ANOS1: variants seen among roughly 807,000 people sequenced by gnomAD.
ANOS1 encodes the protein anosmin-1.
ANOS1 carries 6 observed loss-of-function variants against 59.0 expected under a neutral mutation model. The ratio of observed to expected loss-of-function variants is 0.10; its 90% CI spans 0.06 to 0.20. The LOEUF is 0.20. Among genes scored for constraint, ANOS1 ranks in the 10% least tolerant of loss-of-function variants. The pLI is 1.00. For synonymous variants in ANOS1, 217 were observed against 223.4 expected (o/e 0.97, Z 0.25); for missense variants, 433 against 542.3 (o/e 0.80, Z 2.00).
intron 6 of ANOS1, among the ~76,000 whole-genome samples, chrX:8,583,302 T>C (rs994935430): frequency 2.7e-5 from 3 of 111,584 alleles, no homozygotes; most frequent in Non-Finnish European, 5.6e-5. Context: ...AAGGATCTTA[T>C]CGGGGTGATG....
chrX:8,661,433 G>A (rs1932037241), intron 2 of ANOS1, among the ~76,000 whole-genome samples: 2 of 111,078 alleles, frequency 1.8e-5, no homozygotes, highest in African/African-American at 3.3e-5. Flanking sequence ...AAGGACAACC[G>A]GTCCTATAGG....
At chrX:8,714,603 T>C (rs970587964) in intron 1 of ANOS1, among the ~76,000 whole-genome samples, 1 of 111,760 alleles carries the variant, frequency 8.9e-6, no homozygotes. Flanking sequence ...GGAATATGCC[T>C]GGTAAGTCCT....
chrX:8,615,269 G>C (rs1381542965), intron 3 of ANOS1, among the ~76,000 whole-genome samples: 17 of 111,844 alleles, frequency 1.5e-4, no homozygotes, highest in Non-Finnish European at 5.6e-5. Flanking sequence ...ATGTGGCTGA[G>C]TGCGGTGGCT....
intron 1 of ANOS1, among the ~76,000 whole-genome samples, chrX:8,712,337 C>T (rs1237165691): frequency 8.9e-6 from 1 of 112,106 alleles, no homozygotes; most frequent in African/African-American, 3.2e-5. Flanking sequence ...TGACTCATCT[C>T]AATTAATCAC....
At chrX:8,576,300 T>C (rs903499970) in intron 6 of ANOS1, among the ~76,000 whole-genome samples, 1 of 111,129 alleles carries the variant, frequency 9.0e-6, no homozygotes, top group East Asian at 2.8e-4. Flanking sequence ...AGTTTCTATA[T>C]CTAAGTCATT....
chrX:8,643,514 T>G (rs1177016469), intron 2 of ANOS1, among the ~76,000 whole-genome samples: 1 of 111,722 alleles, frequency 9.0e-6, no homozygotes, highest in Non-Finnish European at 1.9e-5. Flanking sequence ...ATATCATGAC[T>G]TATTTTGCAA....
At chrX:8,584,124 C>T (rs1930469771) in intron 6 of ANOS1, among the ~76,000 whole-genome samples, 2 of 112,209 alleles carry the variant, frequency 1.8e-5, no homozygotes, top group Admixed American at 1.9e-4. Context: ...TCACAGAGCA[C>T]CAGCCCAAAT....
intron 2 of ANOS1, among the ~76,000 whole-genome samples, chrX:8,631,111 G>A (rs982789718): frequency 3.6e-5 from 4 of 112,165 alleles, no homozygotes; most frequent in Admixed American, 9.5e-5. Context: ...GGAAAGATAC[G>A]GAACTGAGTG....
Position 8,732,052 on chromosome X carries a change from G to A in ANOS1, c.-16C>T. 1.1e-6 allele frequency: 1 copy of A among 924,709 alleles called. No individual in the cohort carries two copies. The highest frequency in any genetic ancestry group is 1.3e-6 in the Non-Finnish European group (1 of 745,141). 76.2% of individuals were successfully genotyped at this position (924,709 alleles called of 1,213,427 possible). On this transcript the variant is annotated 5_prime_UTR_variant, in exon 1 of 14. Transcript: ENST00000262648. The stretch of plus-strand genomic sequence containing the variant: ...CGGGCACCATGGCTGCGGGTCGAGG[G>A]CGAGGGCGAGGGCGCCGGGCGCGGG...
At chrX:8,597,656 CCCTTTTTTT>C (rs1930765546) in intron 3 of ANOS1, among the ~76,000 whole-genome samples, 1 of 80,412 alleles carries the variant, frequency 1.2e-5, no homozygotes, top group East Asian at 4.9e-4. Context: ...TTTTCTTTCT[CCCTTTTTTT>C]TTTTTTTTTT....
At chrX:8,706,071 A>G (rs1932778156) in intron 1 of ANOS1, among the ~76,000 whole-genome samples, 1 of 112,614 alleles carries the variant, frequency 8.9e-6, no homozygotes, top group South Asian at 3.6e-4. Context: ...TTTTCCTTAA[A>G]GAAAGATAAC....
At chrX:8,642,540 C>CAA (rs5901373) in intron 2 of ANOS1, among the ~76,000 whole-genome samples, 1 of 95,032 alleles carries the variant, frequency 1.1e-5, no homozygotes, top group Admixed American at 1.1e-4. Flanking sequence ...TGTTATTAGG[C>CAA]AAAAAAAAAA....
intron 2 of ANOS1, among the ~76,000 whole-genome samples, chrX:8,629,912 A>C (rs947278653): frequency 2.7e-5 from 3 of 112,438 alleles, no homozygotes; most frequent in Non-Finnish European, 5.6e-5. Context: ...TAAAACAAAG[A>C]AGCAGCAGGT....
chrX:8,619,907 GTAA>G (rs1931259019), intron 3 of ANOS1, among the ~76,000 whole-genome samples: 1 of 112,186 alleles, frequency 8.9e-6, no homozygotes, highest in African/African-American at 3.2e-5. Flanking sequence ...GATGAGTTTT[GTAA>G]TATAATTATG....
intron 7 of ANOS1, among the ~76,000 whole-genome samples, chrX:8,569,929 T>C (rs893807756): frequency 2.7e-5 from 3 of 111,806 alleles, no homozygotes; most frequent in South Asian, 7.4e-4. Context: ...ATCATAAGAA[T>C]CTCATTGCAG....
At chrX:8,666,686 C>A (rs1463980105) in intron 2 of ANOS1, among the ~76,000 whole-genome samples, 1 of 112,224 alleles carries the variant, frequency 8.9e-6, no homozygotes, top group African/African-American at 3.2e-5. Flanking sequence ...TCCACATTCC[C>A]CACATGCCCA....
At chrX:8,569,922 A>G (rs1346161236) in intron 7 of ANOS1, among the ~76,000 whole-genome samples, 2 of 111,927 alleles carry the variant, frequency 1.8e-5, no homozygotes, top group African/African-American at 3.2e-5. Flanking sequence ...GCTTGTTATC[A>G]TAAGAATCTC....
chrX:8,606,183 C>T (rs1167814257), intron 3 of ANOS1, among the ~76,000 whole-genome samples: 2 of 112,109 alleles, frequency 1.8e-5, no homozygotes, highest in Admixed American at 1.9e-4. Flanking sequence ...CATGCATAAA[C>T]TTAAAGAAAA....
In ANOS1 at chrX:8,698,075, C is replaced by G. The variant is rs532742242; in HGVS notation, c.255+1623G>C. Among the ~76,000 whole-genome samples the G allele has an allele frequency of 3.2e-4, 36 of 112,168 alleles. No homozygotes were observed. In the South Asian group the frequency reaches 0.013, roughly 41 times the overall value. On this transcript the variant is annotated intron_variant, in intron 2 of 13. Transcript: ENST00000262648. Reference sequence around the variant, plus strand: ...TTCATTCCCAAAGATTCCCAAGGATCCCAAGTTAAAGACAACCCTTCAATT... The same window carrying G: ...TTCATTCCCAAAGATTCCCAAGGATGCCAAGTTAAAGACAACCCTTCAATT...
Sources: allele counts gnomAD v4.1 joint callset (sites outside exome capture counted in the v4.1 genomes callset), GRCh38; gene constraint gnomAD v4.1.1; transcripts MANE v1.5; gene names NCBI Gene and HGNC (gene_info 2026-07-23, HGNC 2026-07-21).